MYO6: variants seen among roughly 807,000 people sequenced by gnomAD.
MYO6 encodes the protein myosin VI, also known as unconventional myosin-VI.
MYO6 carries 74 observed loss-of-function variants against 178.7 expected under a neutral mutation model. The ratio of observed to expected loss-of-function variants is 0.41; its 90% confidence interval spans 0.34 to 0.50. The LOEUF is 0.50. Ranked by LOEUF, MYO6 falls within the 20% of genes least tolerant of loss-of-function variation. The probability of loss-of-function intolerance (pLI) is 0.09; values close to 1 mark genes in which losing one functional copy is unlikely to be tolerated. For missense variants in MYO6, 1,330 were observed against 1,547.4 expected, an observed-to-expected ratio of 0.86 and a Z score of 2.36; for synonymous variants, 477 against 504.6, an observed-to-expected ratio of 0.95 and a Z score of 0.73.
intron 26 of MYO6, among the ~76,000 whole-genome samples, chr6:75,890,926 T>A (rs892388854): frequency 2.0e-5 from 3 of 152,168 alleles, no homozygotes; most frequent in Admixed American, 2.0e-4. Context: ...AGATGAGTTG[T>A]TGACTTGGAG....
At chr6:75,864,875 G>A (rs1776516733) in intron 16 of MYO6, among the ~76,000 whole-genome samples, 1 of 152,158 alleles carries the variant, frequency 6.6e-6, no homozygotes, top group African/African-American at 2.4e-5. Context: ...ATTTAATCCT[G>A]TTAGATGTGT....
Position 75,848,674 on chromosome 6 carries a change from T to TC in MYO6, c.1078+146dup, listed in dbSNP as rs553361826. 81 of 787,008 alleles carry TC rather than the reference T, an allele frequency of 1.0e-4. No individual in the cohort carries two copies. In the African/African-American group the frequency reaches 1.4e-3, roughly 13 times the overall value. The allele number at this position is 787,008 out of a possible 1,614,324, so 48.8% of individuals were successfully genotyped here. A position where few individuals can be genotyped will look rare whatever the true frequency, so the allele number is the denominator to read the frequency against. ...AATATACTGAGTTAAATGTTGAATC[T>TC]CCCAAATGAAGAATGTTTCATTATC... is the stretch of plus-strand genomic sequence containing the variant. On this transcript the variant is annotated intron_variant, in intron 11 of 34. Transcript: ENST00000369977.
intron 9 of MYO6, among the ~76,000 whole-genome samples, chr6:75,843,846 A>G (rs1296160030): frequency 6.6e-6 from 1 of 152,004 alleles, no homozygotes; most frequent in Non-Finnish European, 1.5e-5. Context: ...AGATAGAGGC[A>G]TTGATTGTCT....
At chr6:75,801,225 A>T (rs1393502600) in intron 1 of MYO6, among the ~76,000 whole-genome samples, 40 of 152,094 alleles carry the variant, frequency 2.6e-4, no homozygotes, top group Admixed American at 2.6e-3. Flanking sequence ...ATTTACAATC[A>T]TGGCAGAAAG....
chr6:75,918,877 T>A lies in MYO6; in HGVS notation c.*3865T>A, dbSNP rs777379131. Reference sequence around the variant, plus strand: ...GCTCACGCCTGTAATCCCAGCACTTTGGGAGGCCGAGGCGGGTGGATCACG... The same window carrying A: ...GCTCACGCCTGTAATCCCAGCACTTAGGGAGGCCGAGGCGGGTGGATCACG... On this transcript the variant is annotated 3_prime_UTR_variant, in exon 35 of 35. Transcript: ENST00000369977. 1 of 152,284 alleles carries A rather than the reference T, an allele frequency of 6.6e-6. No individual in the cohort carries two copies. The highest frequency in any genetic ancestry group is 1.9e-4 in the East Asian group (1 of 5,194). 9.4% of individuals were successfully genotyped at this position (152,284 alleles called of 1,614,324 possible).
At chr6:75,785,877 A>G (rs1562154877) in intron 1 of MYO6, among the ~76,000 whole-genome samples, 1 of 151,892 alleles carries the variant, frequency 6.6e-6, no homozygotes, top group Non-Finnish European at 1.5e-5. Flanking sequence ...TTCTGTTGTA[A>G]ATTAAATCAA....
rs144821251 is a variant in MYO6 at position 75,766,735 on chromosome 6, A to G, written c.-48+17312A>G. Among the ~76,000 whole-genome samples the G allele has an allele frequency of 2.7e-3, 407 of 152,298 alleles. 2 individuals carry two copies. The highest frequency in any genetic ancestry group is 9.2e-3 in the African/African-American group (383 of 41,570). ...TCCAAATAAAGGACAGTCTTCTTTCAATTTATGTGTTATTGTATGCTTTTT... is the reference window on the plus strand; with the variant it reads ...TCCAAATAAAGGACAGTCTTCTTTCGATTTATGTGTTATTGTATGCTTTTT... On this transcript the variant is annotated intron_variant, in intron 1 of 34. Coordinates refer to ENST00000369977, the MANE Select transcript of MYO6 (RefSeq NM_004999.4).
intron 23 of MYO6, among the ~76,000 whole-genome samples, chr6:75,884,839 T>G (rs536437795): frequency 1.7e-3 from 259 of 152,238 alleles, no homozygotes; most frequent in Non-Finnish European, 3.2e-3. Context: ...AGCACTGATT[T>G]TAGGTGTTAC....
At chr6:75,824,101 G>T (rs1290161822) in intron 3 of MYO6, among the ~76,000 whole-genome samples, 1 of 152,142 alleles carries the variant, frequency 6.6e-6, no homozygotes, top group African/African-American at 2.4e-5. Context: ...GCAGAACTGG[G>T]AATCAATCCT....
At chr6:75,865,315 G>A (rs1249415483) in intron 16 of MYO6, 1 of 145,124 alleles carries the variant, frequency 6.9e-6, no homozygotes, top group Admixed American at 6.9e-5. Context: ...TAGGCGCATT[G>A]AGAGTGGTAT....
intron 11 of MYO6, among the ~76,000 whole-genome samples, chr6:75,849,231 G>C (rs1775024768): frequency 6.6e-6 from 1 of 152,182 alleles, no homozygotes; most frequent in African/African-American, 2.4e-5. Context: ...CAGCTTTTGT[G>C]CTAGTGTCAG....
chr6:75,852,621 T>C (rs1775382684), intron 11 of MYO6, among the ~76,000 whole-genome samples: 1 of 152,236 alleles, frequency 6.6e-6, no homozygotes, highest in Non-Finnish European at 1.5e-5. Context: ...TGTGATTGGC[T>C]TCTTTCACTT....
At chr6:75,807,653 T>C (rs1431249198) in intron 1 of MYO6, among the ~76,000 whole-genome samples, 1 of 152,194 alleles carries the variant, frequency 6.6e-6, no homozygotes, top group Admixed American at 6.5e-5. Flanking sequence ...GAAAGGAAGT[T>C]TATTTAGAAA....
intron 1 of MYO6, among the ~76,000 whole-genome samples, chr6:75,796,578 C>T (rs1249762913): frequency 1.3e-5 from 2 of 149,638 alleles, no homozygotes; most frequent in Non-Finnish European, 3.0e-5. Flanking sequence ...TTAGCCCTTT[C>T]CCCCTCCTTC....
rs1190733731 is a variant in MYO6 at position 75,794,746 on chromosome 6, AAATAAAAAAAAAAAT to A, written c.-47-22752_-47-22738del. Among the ~76,000 whole-genome samples, 323 of 128,124 alleles carry A rather than the reference AAATAAAAAAAAAAAT, an allele frequency of 2.5e-3. 5 individuals are homozygous for A. Among genetic ancestry groups the A allele is most frequent in the African/African-American group, 0.014 (306 of 22,126 alleles). 84.1% of individuals were successfully genotyped at this position (128,124 alleles called of 152,430 possible). On this transcript the variant is annotated intron_variant, in intron 1 of 34. Coordinates refer to ENST00000369977, the MANE Select transcript of MYO6 (RefSeq NM_004999.4). ...GTTATATAAGCAAAAAAAATAAAAAAAATAAAAAAAAAAATAAAATGTGCTCTTTTATCACCTAAT... is the reference window on the plus strand; with the variant it reads ...GTTATATAAGCAAAAAAAATAAAAAAAAAATGTGCTCTTTTATCACCTAAT...
At chr6:75,811,266 C>T (rs1770677229) in intron 1 of MYO6, among the ~76,000 whole-genome samples, 1 of 152,010 alleles carries the variant, frequency 6.6e-6, no homozygotes, top group South Asian at 2.1e-4. Context: ...TTTCTTGTAT[C>T]TTTTGAGGAT....
chr6:75,829,154 C>A (rs1055179792), intron 4 of MYO6, among the ~76,000 whole-genome samples: 1 of 151,916 alleles, frequency 6.6e-6, no homozygotes, highest in Non-Finnish European at 1.5e-5. Flanking sequence ...TTCATTAGAC[C>A]GTAGGTACTC....
At chr6:75,774,798 A>G (rs1056573854) in intron 1 of MYO6, among the ~76,000 whole-genome samples, 2 of 151,154 alleles carry the variant, frequency 1.3e-5, no homozygotes, top group African/African-American at 4.8e-5. Context: ...TATTATTATT[A>G]CTATTTTTTT....
intron 1 of MYO6, among the ~76,000 whole-genome samples, chr6:75,805,257 G>A (rs929534506): frequency 3.3e-5 from 5 of 151,272 alleles, no homozygotes; most frequent in Non-Finnish European, 5.9e-5. Flanking sequence ...CTCCTGCCTC[G>A]GCCTCCCAAA....
Sources: allele counts gnomAD v4.1 joint callset (sites outside exome capture counted in the v4.1 genomes callset), GRCh38; gene constraint gnomAD v4.1.1; transcripts MANE v1.5; gene names NCBI Gene and HGNC (gene_info 2026-07-23, HGNC 2026-07-21).